SPRY3: variants seen among roughly 807,000 people sequenced by gnomAD.
SPRY3 encodes protein sprouty homolog 3.
Under a neutral mutation model 20.2 loss-of-function variants are expected in SPRY3, and 15 were observed. The observed-to-expected ratio is 0.74, with a 90% CI of 0.50 to 1.14. The LOEUF (loss-of-function observed/expected upper bound fraction) is 1.14, where lower values mean the gene tolerates loss of function less well. Among genes scored for constraint, SPRY3 ranks in the 50% most tolerant of loss-of-function variants. The pLI is 0.00. For missense variants in SPRY3, 364 were observed against 363.9 expected, an observed-to-expected ratio of 1.00 and a Z score of 0.00; for synonymous variants, 143 against 136.5, an observed-to-expected ratio of 1.05 and a Z score of -0.33.
intron 2 of SPRY3, among the ~76,000 whole-genome samples, chrX:155,732,629 T>C (rs1238766516): frequency 2.0e-5 from 3 of 152,030 alleles, no homozygotes; most frequent in South Asian, 2.1e-4. Flanking sequence ...TACCATATGA[T>C]CCAGCAATCC....
intron 2 of SPRY3, among the ~76,000 whole-genome samples, chrX:155,731,594 G>A (rs1358586991): frequency 1.3e-5 from 2 of 151,828 alleles, no homozygotes; most frequent in African/African-American, 4.8e-5. Flanking sequence ...CAAATTGGAC[G>A]GGGCAAAGAT....
chrX:155,729,968 A>C (rs2091122712), intron 2 of SPRY3, among the ~76,000 whole-genome samples: 1 of 152,172 alleles, frequency 6.6e-6, no homozygotes, highest in Non-Finnish European at 1.5e-5. Context: ...AAATAGATAA[A>C]TTCCTGGACA....
chrX:155,703,998 C>A (rs1366818318), intron 2 of SPRY3, among the ~76,000 whole-genome samples: 1 of 151,696 alleles, frequency 6.6e-6, no homozygotes, highest in Non-Finnish European at 1.5e-5. Context: ...ATAATGCAAA[C>A]CCTCGCACTA....
chrX:155,751,802 T>A (rs1007641276), intron 2 of SPRY3, among the ~76,000 whole-genome samples: 2 of 151,514 alleles, frequency 1.3e-5, no homozygotes, highest in African/African-American at 4.8e-5. Flanking sequence ...ACATAGTGAT[T>A]CTGCCAGGAT....
At chrX:155,776,954 G>A (rs2091431067), downstream of SPRY3, 1 of 167,134 alleles carries the variant, frequency 6.0e-6, no homozygotes. Flanking sequence ...TATTAATAAT[G>A]TTAATGATAT....
chrX:155,774,879 G>T, exon 4 of SPRY3: 1 of 930,726 alleles, frequency 1.1e-6, no homozygotes, highest in South Asian at 1.7e-5. Flanking sequence ...TCAGGGGAAT[G>T]ACCAAGTACA....
At chrX:155,638,939 T>C (rs1200863975) in intron 1 of SPRY3, among the ~76,000 whole-genome samples, 1 of 111,022 alleles carries the variant, frequency 9.0e-6, no homozygotes, top group Non-Finnish European at 1.9e-5. Flanking sequence ...CCTTGAAAGA[T>C]TGTCTTGGGT....
chrX:155,625,823 A>G (rs2067886330), intron 1 of SPRY3, among the ~76,000 whole-genome samples: 1 of 111,839 alleles, frequency 8.9e-6, no homozygotes, highest in South Asian at 3.7e-4. Flanking sequence ...AAATAATACA[A>G]TGTGGTCCTT....
At chrX:155,656,576 C>T (rs1021342181) in intron 1 of SPRY3, among the ~76,000 whole-genome samples, 1 of 111,016 alleles carries the variant, frequency 9.0e-6, no homozygotes, top group African/African-American at 3.3e-5. Context: ...TTATTACTGA[C>T]CTTCTGAAGC....
At chrX:155,680,674 T>TA (rs2068071892) in intron 2 of SPRY3, among the ~76,000 whole-genome samples, 2 of 111,886 alleles carry the variant, frequency 1.8e-5, no homozygotes, top group African/African-American at 6.5e-5. Context: ...TATTGTGCTT[T>TA]GCTCTATTGT....
At chrX:155,638,332 A>G (rs868908356) in intron 1 of SPRY3, among the ~76,000 whole-genome samples, 7 of 3,071 alleles carry the variant, frequency 2.3e-3, no homozygotes, top group Non-Finnish European at 6.0e-3. Context: ...ATATATATAT[A>G]TATATATATA....
At chrX:155,698,894 A>T (rs868319785) in intron 2 of SPRY3, among the ~76,000 whole-genome samples, 3 of 111,769 alleles carry the variant, frequency 2.7e-5, no homozygotes, top group Non-Finnish European at 3.8e-5. Flanking sequence ...GTCAATGAAT[A>T]TCCTATATCA....
At chrX:155,732,500 A>ATT (rs1358390385) in intron 2 of SPRY3, among the ~76,000 whole-genome samples, 4 of 152,130 alleles carry the variant, frequency 2.6e-5, no homozygotes, top group African/African-American at 9.6e-5. Flanking sequence ...GACAAGCAAT[A>ATT]AGAAATAGTG....
intron 2 of SPRY3, among the ~76,000 whole-genome samples, chrX:155,733,771 C>T: frequency 6.6e-6 from 1 of 152,200 alleles, no homozygotes; most frequent in Non-Finnish European, 1.5e-5. Flanking sequence ...AGTGTAGCCA[C>T]CTTTAACAGT....
chrX:155,643,763 A>C lies in SPRY3; in HGVS notation c.-440-13104A>C, dbSNP rs782744752. On this transcript the variant is annotated intron_variant, in intron 1 of 3. Transcript: ENST00000675360. Reference sequence around the variant, plus strand: ...AAAACTAATAAAAGCTCTACACTTTAACTTTATTCCCCTGCTTTTAAATTT... The same window carrying C: ...AAAACTAATAAAAGCTCTACACTTTCACTTTATTCCCCTGCTTTTAAATTT... 7.1e-5 allele frequency among the ~76,000 whole-genome samples: 8 copies of C among 112,206 alleles called. No homozygotes were observed. The South Asian group carries it at 2.9e-3, about 41-fold the overall frequency.
rs902160069 is a variant in SPRY3, at chrX:155,727,502, C to A, written c.-281-40460C>A. On this transcript the variant is annotated intron_variant, in intron 2 of 3. Transcript: ENST00000675360. ...TGTTTCTTGGAGGCTTTGTTCATTT[C>A]TTTTTATTTTCTCTAATCTTGTCTT... Among the ~76,000 whole-genome samples the A allele has an allele frequency of 3.7e-4, 57 of 152,152 alleles. 1 individual carries two copies. Among genetic ancestry groups the A allele is most frequent in the African/African-American group, 1.3e-3 (55 of 41,516 alleles).
At chrX:155,724,730 G>A (rs2091085821) in intron 2 of SPRY3, among the ~76,000 whole-genome samples, 1 of 152,138 alleles carries the variant, frequency 6.6e-6, no homozygotes, top group Non-Finnish European at 1.5e-5. Flanking sequence ...TGAGACAATG[G>A]GGTTTTCTAA....
At chrX:155,736,160 G>A (rs761150417) in intron 2 of SPRY3, among the ~76,000 whole-genome samples, 4 of 151,908 alleles carry the variant, frequency 2.6e-5, no homozygotes, top group Non-Finnish European at 2.9e-5. Context: ...ATTCATAAGC[G>A]ATATCCAACA....
intron 2 of SPRY3, among the ~76,000 whole-genome samples, chrX:155,752,155 A>G (rs1471533421): frequency 6.6e-6 from 1 of 151,570 alleles, no homozygotes; most frequent in Non-Finnish European, 1.5e-5. Flanking sequence ...ATTTTAAACT[A>G]TAAAGTCAAA....
Sources: allele counts gnomAD v4.1 joint callset (sites outside exome capture counted in the v4.1 genomes callset), GRCh38; gene constraint gnomAD v4.1.1; transcripts MANE v1.5; gene names NCBI Gene and HGNC (gene_info 2026-07-23, HGNC 2026-07-21).